Variants in SLF1 observed in about 807,000 individuals in gnomAD.
SLF1 encodes the protein SMC5/6 complex localization factor 1.
Under a neutral mutation model 123.0 loss-of-function variants are expected in SLF1, and 105 were observed. The ratio of observed to expected loss-of-function variants is 0.85; its 90% CI spans 0.73 to 1.00. The LOEUF (loss-of-function observed/expected upper bound fraction) is 1.00, where lower values mean the gene tolerates loss of function less well. Ranked by LOEUF, SLF1 falls within the 50% of genes least tolerant of loss-of-function variation. The pLI, the probability that SLF1 is intolerant of heterozygous loss-of-function variation, is 0.00. For synonymous variants in SLF1, 434 were observed against 406.6 expected (o/e 1.07, Z -0.81); for missense variants, 1,239 against 1,223.0 (o/e 1.01, Z -0.20).
chr5:94,618,275 G>A (rs1409069611), upstream of SLF1: 1 of 152,234 alleles, frequency 6.6e-6, no homozygotes, highest in East Asian at 1.9e-4. Context: ...GTGACCCGAG[G>A]TCGAGTTCCA....
chr5:94,630,466 A>G, intron 3 of SLF1, 37 bp from the exon 4 acceptor site: 1 of 1,524,048 alleles, frequency 6.6e-7, no homozygotes. Context: ...ATCAGAACCA[A>G]AATTCCTTTG....
intron 20 of SLF1, among the ~76,000 whole-genome samples, chr5:94,693,027 T>C (rs999736920): frequency 6.6e-6 from 1 of 152,184 alleles, no homozygotes; most frequent in Admixed American, 6.5e-5. Context: ...CAAAGATTTG[T>C]AGAAATTACT....
chr5:94,670,971 CTAT>C lies in SLF1; in HGVS notation c.1791_1793del (p.Ile598del). ...CCAGTAAATATGCTTTTGGAATGGA[CTAT>C]ATATTCTCACAAGGAAAAATTCAAG... On this transcript the variant is annotated inframe_deletion, in exon 14 of 21. Coordinates refer to ENST00000265140, the MANE Select transcript of SLF1 (RefSeq NM_032290.4). 2 of 1,547,908 alleles carry C rather than the reference CTAT, an allele frequency of 1.3e-6. No homozygotes were observed. The highest frequency in any genetic ancestry group is 1.7e-4 in the Middle Eastern group (1 of 5,968).
Position 94,678,939 on chromosome 5 carries a change from T to G in SLF1, c.1959T>G (p.Val653=), listed in dbSNP as rs778230012. 2.5e-6 allele frequency: 4 copies of G among 1,613,214 alleles called. No homozygotes were observed. In the Admixed American group the frequency reaches 6.7e-5, roughly 27 times the overall value. The change falls in exon 15 of 21, where the codon GTT becomes GTG. Residue 653 remains valine, a synonymous_variant. Transcript: ENST00000265140. ...RHMSDDLGSY[V]SLSCDDFSSQ... ...TGTCTGATGACTTAGGAAGTTATGT[T>G]TCTCTTTCGTGTGATGGTAAGTTTG...
At chr5:94,621,653 A>C (rs1237526639) in intron 1 of SLF1, among the ~76,000 whole-genome samples, 1 of 152,170 alleles carries the variant, frequency 6.6e-6, no homozygotes, top group Non-Finnish European at 1.5e-5. Context: ...ACATCTGCCC[A>C]GCCTGTGCCT....
chr5:94,670,323 G>T, intron 13 of SLF1, 44 bp downstream of exon 13: 1 of 1,358,068 alleles, frequency 7.4e-7, no homozygotes, highest in South Asian at 1.8e-5. Context: ...AATTTTGGTT[G>T]TTTTTATGCA....
chr5:94,665,886 G>T lies in SLF1; in HGVS notation c.1394G>T (p.Arg465Leu). 6.5e-7 allele frequency: 1 copy of T among 1,547,110 alleles called. No homozygotes were observed. The highest frequency in any genetic ancestry group is 8.7e-7 in the Non-Finnish European group (1 of 1,143,042). Residue 465 changes from arginine (R) to leucine (L), a missense_variant, in exon 12 of 21, where the codon CGA becomes CTA. Arg to Leu is a moderately radical substitution (Grantham distance 102). Transcript: ENST00000265140. ...GATAACATAGATACATTTTCTGGTC[G>T]ATACTTTCATATATTGTCAGCTCTT... The part of the protein sequence containing the change: ...LQDNIDTFSG[R>L]YFHILSALLH...
At position 94,631,722 on chromosome 5, in the gene SLF1, G is replaced by A. The variant is rs76773906; in HGVS notation, c.431+979G>A. On this transcript the variant is annotated intron_variant, in intron 4 of 20. Transcript: ENST00000265140. ...AGCTGCTATGAACATTTGGTTACAAGTATTCATGCAGACATGTTTTCAGTT... is the reference window on the plus strand; with the variant it reads ...AGCTGCTATGAACATTTGGTTACAAATATTCATGCAGACATGTTTTCAGTT... Among the ~76,000 whole-genome samples, 677 of 152,278 alleles carry A rather than the reference G, an allele frequency of 4.4e-3. 5 individuals are homozygous for A. Among genetic ancestry groups the A allele is most frequent in the Non-Finnish European group, 7.7e-3 (525 of 68,024 alleles).
chr5:94,694,698 G>T lies in SLF1; in HGVS notation c.2696-133G>T, dbSNP rs113540054. ...CGTCTATATATATAGTCAGTTAATT[G>T]TGTCGACATGAATTAATACAAAATA... On this transcript the variant is annotated intron_variant, in intron 20 of 20. Coordinates refer to ENST00000265140, the MANE Select transcript of SLF1 (RefSeq NM_032290.4). 470 of 1,147,980 alleles carry T rather than the reference G, an allele frequency of 4.1e-4. 2 individuals carry two copies. The African/African-American group carries it at 6.5e-3, about 16-fold the overall frequency. The allele number at this position is 1,147,980 out of a possible 1,614,324, so 71.1% of individuals were successfully genotyped here. A position where few individuals can be genotyped will look rare whatever the true frequency, so the allele number is the denominator to read the frequency against.
intron 4 of SLF1, among the ~76,000 whole-genome samples, chr5:94,636,075 G>A (rs894525111): frequency 1.3e-5 from 2 of 152,104 alleles, no homozygotes; most frequent in Admixed American, 6.5e-5. Context: ...GGTATTGGCA[G>A]TTTTTTTCCT....
intron 16 of SLF1, among the ~76,000 whole-genome samples, chr5:94,687,210 G>C (rs1752541854): frequency 6.6e-6 from 1 of 152,152 alleles, no homozygotes; most frequent in Non-Finnish European, 1.5e-5. Flanking sequence ...CTGAGTGCCT[G>C]TAGGTGAGTG....
chr5:94,663,792 G>A lies in SLF1; in HGVS notation c.1252G>A (p.Glu418Lys). The change falls in exon 11 of 21, where the codon GAA becomes AAA. Residue 418 changes from glutamate to lysine, a missense_variant. By Grantham distance (56) the Glu-to-Lys change is moderately conservative. Coordinates refer to ENST00000265140, the MANE Select transcript of SLF1 (RefSeq NM_032290.4). ...TCCCAGAGGTGTATTAAATTTAATT[G>A]AAAGCCTCATAGAAGGACATTTTTT... Reference protein sequence around the residue: ...EFPRGVLNLIESLIEGHFFKE... With the variant: ...EFPRGVLNLIKSLIEGHFFKE... 6.5e-7 allele frequency: 1 copy of A among 1,548,050 alleles called. No individual in the cohort carries two copies. Among genetic ancestry groups the A allele is most frequent in the South Asian group, 1.2e-5 (1 of 82,770 alleles).
At chr5:94,690,169 G>A (rs1402818707) in intron 18 of SLF1, among the ~76,000 whole-genome samples, 1 of 152,118 alleles carries the variant, frequency 6.6e-6, no homozygotes, top group Non-Finnish European at 1.5e-5. Flanking sequence ...AATTCACTTT[G>A]GCACCTCTTT....
At chr5:94,687,951 T>C (rs952792027) in intron 16 of SLF1, among the ~76,000 whole-genome samples, 1 of 148,492 alleles carries the variant, frequency 6.7e-6, no homozygotes, top group African/African-American at 2.5e-5. Flanking sequence ...TCTTTAGATA[T>C]TAATATTTAA....
chr5:94,622,847 C>G (rs538946357), intron 1 of SLF1, among the ~76,000 whole-genome samples: 2 of 151,736 alleles, frequency 1.3e-5, no homozygotes, highest in Non-Finnish European at 2.9e-5. Context: ...AGAAACCAGC[C>G]CTATATAATG....
In SLF1 at chr5:94,663,863, C is replaced by A. The variant is rs1749422662; in HGVS notation, c.1323C>A (p.Ile441=). The change falls in exon 11 of 21, where the codon ATC becomes ATA. Residue 441 remains isoleucine, a synonymous_variant. Coordinates refer to ENST00000265140, the MANE Select transcript of SLF1 (RefSeq NM_032290.4). ...EELSTLQAHY[I]PPVCVLHALL... Reference sequence around the variant, plus strand: ...TTTCCACTTTGCAGGCACATTATATCCCTCCTGTATGCGTTCTTCATGCCC... The same window carrying A: ...TTTCCACTTTGCAGGCACATTATATACCTCCTGTATGCGTTCTTCATGCCC... 1 of 1,550,512 alleles carries A rather than the reference C, an allele frequency of 6.4e-7. No individual in the cohort carries two copies. The highest frequency in any genetic ancestry group is 1.4e-5 in the African/African-American group (1 of 73,100).
chr5:94,669,811 C>G (rs987011595), intron 12 of SLF1, among the ~76,000 whole-genome samples: 4 of 151,914 alleles, frequency 2.6e-5, no homozygotes, highest in African/African-American at 9.7e-5. Flanking sequence ...GAGAGGTTAG[C>G]TGGTCATTTA....
chr5:94,684,655 G>A (rs1381213775), intron 15 of SLF1, among the ~76,000 whole-genome samples: 4 of 128,748 alleles, frequency 3.1e-5, no homozygotes, highest in Admixed American at 9.8e-5. Context: ...CCGAGATCAC[G>A]CCACTGCACT....
chr5:94,641,050 T>C (rs534661321), intron 4 of SLF1, among the ~76,000 whole-genome samples: 1 of 152,208 alleles, frequency 6.6e-6, no homozygotes. Context: ...TACAAGAATA[T>C]TGATAGAGGC....
Sources: allele counts gnomAD v4.1 joint callset (sites outside exome capture counted in the v4.1 genomes callset), GRCh38; gene constraint gnomAD v4.1.1; transcripts MANE v1.5; gene names NCBI Gene and HGNC (gene_info 2026-07-23, HGNC 2026-07-21).